The following ACTA2 variants were observed in gnomAD, a reference collection of about 807,000 sequenced individuals.
ACTA2 encodes actin alpha 2, smooth muscle.
A neutral mutation model predicts 39.5 loss-of-function variants in ACTA2; 12 were observed. That is an observed-to-expected ratio of 0.30 (90% CI 0.19 to 0.49). The LOEUF is 0.49. Among genes scored for constraint, ACTA2 ranks in the 20% least tolerant of loss-of-function variants. The probability of loss-of-function intolerance (pLI) is 0.99; values close to 1 mark genes in which losing one functional copy is unlikely to be tolerated. For synonymous variants in ACTA2, 158 were observed against 180.6 expected, an observed-to-expected ratio of 0.88 and a Z score of 1.00; for missense variants, 236 against 498.8, an observed-to-expected ratio of 0.47 and a Z score of 5.02.
At chr10:88,957,764 C>A (rs971666461), upstream of ACTA2, among the ~76,000 whole-genome samples, 1 of 151,992 alleles carries the variant, frequency 6.6e-6, no homozygotes, top group African/African-American at 2.4e-5. Context: ...AGGAAGCCCT[C>A]TCTACCCACT....
At chr10:88,936,248 G>A (rs1295981489) in intron 8 of ACTA2, among the ~76,000 whole-genome samples, 2 of 152,194 alleles carry the variant, frequency 1.3e-5, no homozygotes, top group Non-Finnish European at 2.9e-5. Flanking sequence ...TTATATCAGT[G>A]TCAGATCTGA....
upstream of ACTA2, among the ~76,000 whole-genome samples, chr10:88,953,369 T>C (rs1846083180): frequency 6.6e-6 from 1 of 152,212 alleles, no homozygotes; most frequent in South Asian, 2.1e-4. Context: ...TTGACAGGCC[T>C]ATGTCTTACA....
chr10:88,962,990 T>G, intron 1 of ACTA2, among the ~76,000 whole-genome samples: 3 of 120,252 alleles, frequency 2.5e-5, no homozygotes, highest in Non-Finnish European at 5.1e-5. Flanking sequence ...ATTTTTTTTT[T>G]TGCAAAAAGG....
intron 1 of ACTA2, among the ~76,000 whole-genome samples, chr10:88,964,168 A>G (rs1589410669): frequency 6.6e-6 from 1 of 152,214 alleles, no homozygotes; most frequent in East Asian, 1.9e-4. Context: ...TTTGCATTGT[A>G]TGGGAGGAAA....
At chr10:88,965,967 A>G (rs1846311568) in intron 1 of ACTA2, among the ~76,000 whole-genome samples, 1 of 152,192 alleles carries the variant, frequency 6.6e-6, no homozygotes. Context: ...TTCCTAAAGC[A>G]TGGCCTGAAT....
At chr10:88,982,633 AG>A (rs1215948634) in intron 1 of ACTA2, among the ~76,000 whole-genome samples, 5 of 152,216 alleles carry the variant, frequency 3.3e-5, no homozygotes, top group Non-Finnish European at 7.3e-5. Flanking sequence ...CAGAAATAAA[AG>A]CTCAGTGTCT....
At chr10:88,962,929 AT>A (rs1342814068) in intron 1 of ACTA2, among the ~76,000 whole-genome samples, 2 of 5,920 alleles carry the variant, frequency 3.4e-4, no homozygotes, top group East Asian at 4.1e-3. Flanking sequence ...ATATATATAT[AT>A]ATATATATAT....
chr10:88,956,714 T>A (rs1004493185), upstream of ACTA2, among the ~76,000 whole-genome samples: 1 of 152,216 alleles, frequency 6.6e-6, no homozygotes, highest in Non-Finnish European at 1.5e-5. Context: ...TTTCTACCAA[T>A]GGTGTTGGCA....
chr10:88,944,069 A>G (rs1845904593), intron 3 of ACTA2, among the ~76,000 whole-genome samples, 162 bp from the exon 4 acceptor site: 1 of 152,224 alleles, frequency 6.6e-6, no homozygotes. Context: ...ACTGAAGCTC[A>G]AAGTGTGTAA....
intron 1 of ACTA2, among the ~76,000 whole-genome samples, chr10:88,982,198 T>C (rs7069841): frequency 0.55 from 83,631 of 152,036 alleles, 24,544 homozygotes; most frequent in African/African-American, 0.77. Context: ...TCACCTATAT[T>C]GTGCACACAA....
chr10:88,979,329 C>A (rs1054005968), intron 1 of ACTA2, among the ~76,000 whole-genome samples: 1 of 152,108 alleles, frequency 6.6e-6, no homozygotes, highest in Non-Finnish European at 1.5e-5. Context: ...CCAGCCTTGG[C>A]TCCTAGGAAG....
intron 8 of ACTA2, chr10:88,935,605 C>T: frequency 2.2e-6 from 1 of 451,180 alleles, no homozygotes; most frequent in Admixed American, 3.3e-5. Flanking sequence ...ACCTGTAACT[C>T]TTCGACCACA....
intron 1 of ACTA2, among the ~76,000 whole-genome samples, chr10:88,967,085 G>A (rs1846331832): frequency 2.0e-5 from 3 of 152,166 alleles, no homozygotes; most frequent in South Asian, 4.1e-4. Flanking sequence ...AAGTGAACAG[G>A]AAGAGACCCT....
chr10:88,941,216 C>T lies in ACTA2; in HGVS notation c.616+13G>A. 6.2e-7 allele frequency: 1 copy of T among 1,613,714 alleles called. No individual in the cohort carries two copies. Among genetic ancestry groups the T allele is most frequent in the Non-Finnish European group, 8.5e-7 (1 of 1,179,762 alleles). On this transcript the variant is annotated intron_variant, in intron 6 of 8. Transcript: ENST00000224784. ...ACTGCTCCCCTCTCCCCCTTATCTC[C>T]CACAGGCCTCACCAGTAGTAACGAA...
At position 88,939,465 on chromosome 10, in the gene ACTA2, A is replaced by G. The variant is rs915742207; in HGVS notation, c.808+42T>C. ...GGAGGCTGGCTTGATATGGAAGAAGACAATGACTCCCCTTCCCAGGAAAAG... is the reference window on the plus strand; with the variant it reads ...GGAGGCTGGCTTGATATGGAAGAAGGCAATGACTCCCCTTCCCAGGAAAAG... On this transcript the variant is annotated intron_variant, in intron 7 of 8. Transcript: ENST00000224784. 12 of 1,610,842 alleles carry G rather than the reference A, an allele frequency of 7.4e-6. No individual in the cohort carries two copies. The Admixed American group carries it at 1.3e-4, about 18-fold the overall frequency.
intron 1 of ACTA2, among the ~76,000 whole-genome samples, chr10:88,971,925 T>G (rs943022781): frequency 6.6e-6 from 1 of 152,044 alleles, no homozygotes; most frequent in African/African-American, 2.4e-5. Flanking sequence ...TTTTTTTTTT[T>G]TTTAGATGGA....
chr10:88,940,826 G>T, intron 6 of ACTA2: 1 of 313,518 alleles, frequency 3.2e-6, no homozygotes. Context: ...CAAATAAAGA[G>T]ACTATGGTTG....
chr10:88,967,468 T>G (rs1439515594), intron 1 of ACTA2, among the ~76,000 whole-genome samples: 1 of 152,154 alleles, frequency 6.6e-6, no homozygotes, highest in Non-Finnish European at 1.5e-5. Flanking sequence ...GATGCGAGAA[T>G]ACAGTGGAAT....
intron 1 of ACTA2, chr10:88,973,080 A>G: frequency 7.4e-7 from 1 of 1,345,692 alleles, no homozygotes; most frequent in Non-Finnish European, 1.0e-6. Flanking sequence ...TTAGTCTTTC[A>G]AAAAATAATT....
Sources: gnomAD v4.1 joint callset for allele counts (sites outside exome capture counted in the v4.1 genomes callset) on GRCh38, gnomAD v4.1.1 for gene constraint, MANE v1.5 for transcripts, NCBI Gene and HGNC (gene_info 2026-07-23, HGNC 2026-07-21) for gene names.